CCM2: variants seen among roughly 807,000 people sequenced by gnomAD.
CCM2 encodes the protein CCM2 scaffold protein.
CCM2 carries 25 observed loss-of-function variants against 44.9 expected under a neutral mutation model. That is an observed-to-expected ratio of 0.56 (90% CI 0.41 to 0.78). The LOEUF (loss-of-function observed/expected upper bound fraction) is 0.78, where lower values mean the gene tolerates loss of function less well. CCM2 is among the 30% of genes least tolerant of loss of function. CCM2 has a pLI of 0.00. For synonymous variants in CCM2, 219 were observed against 241.1 expected, an observed-to-expected ratio of 0.91 and a Z score of 0.85; for missense variants, 481 against 580.6, an observed-to-expected ratio of 0.83 and a Z score of 1.76.
At chr7:45,065,985 C>A (rs543071171) in intron 4 of CCM2, among the ~76,000 whole-genome samples, 1 of 152,322 alleles carries the variant, frequency 6.6e-6, no homozygotes, top group East Asian at 1.9e-4. Context: ...GCAGGTGTTT[C>A]AAGCTGGTAG....
intron 4 of CCM2, among the ~76,000 whole-genome samples, chr7:45,066,700 C>T (rs1562910121): frequency 1.3e-5 from 2 of 152,058 alleles, no homozygotes; most frequent in Admixed American, 6.6e-5. Flanking sequence ...CAGGGTCACC[C>T]GTGCACCCGT....
At chr7:45,069,667 C>T (rs1798958124) in intron 5 of CCM2, among the ~76,000 whole-genome samples, 159 bp from the exon 6 acceptor site, 2 of 152,248 alleles carry the variant, frequency 1.3e-5, no homozygotes, top group Non-Finnish European at 1.5e-5. Context: ...TCTCTTTTGA[C>T]ACCCCTTTGG....
intron 1 of CCM2, among the ~76,000 whole-genome samples, chr7:45,017,440 G>T (rs1378386992): frequency 6.6e-6 from 1 of 152,204 alleles, no homozygotes; most frequent in African/African-American, 2.4e-5. Flanking sequence ...GGAACAGGAG[G>T]TCAGTTGGCA....
chr7:45,015,739 G>A (rs1796239597), intron 1 of CCM2, among the ~76,000 whole-genome samples: 2 of 152,178 alleles, frequency 1.3e-5, no homozygotes, highest in African/African-American at 2.4e-5. Flanking sequence ...TGGCCCTGAT[G>A]AAGGGGAAGG....
intron 2 of CCM2, among the ~76,000 whole-genome samples, chr7:45,058,075 C>T (rs543429194): frequency 2.6e-5 from 4 of 152,356 alleles, no homozygotes; most frequent in African/African-American, 4.8e-5. Context: ...ACCGTGTTTA[C>T]GTTGCTTGGA....
chr7:45,071,073 C>G (rs1188320145), intron 6 of CCM2: 1 of 152,230 alleles, frequency 6.6e-6, no homozygotes, highest in Non-Finnish European at 1.5e-5. Flanking sequence ...CTCAGGCATC[C>G]TCTCTATCTC....
chr7:45,069,268 T>C (rs900400648), intron 5 of CCM2, among the ~76,000 whole-genome samples: 2 of 152,262 alleles, frequency 1.3e-5, no homozygotes, highest in African/African-American at 4.8e-5. Flanking sequence ...TGTGGGAGGC[T>C]GCCCTGTGCA....
chr7:45,074,256 C>T lies in CCM2; in HGVS notation c.916-14C>T. The T allele has an allele frequency of 1.9e-6, 3 of 1,613,406 alleles. No individual in the cohort carries two copies. The highest frequency in any genetic ancestry group is 2.5e-6 in the Non-Finnish European group (3 of 1,180,028). On this transcript the variant is annotated splice_polypyrimidine_tract_variant and intron_variant, in intron 8 of 9. Transcript: ENST00000258781. The stretch of plus-strand genomic sequence containing the variant: ...ACTGTGCCCAGCCCCCTATCTGGCT[C>T]TGCTCTCTTGCAGCTGCGCACCAAG...
At position 45,054,848 on chromosome 7, in the gene CCM2, A is replaced by T. The variant is rs1306848385; in HGVS notation, c.205-9070A>T. Among the ~76,000 whole-genome samples the T allele has an allele frequency of 2.0e-5, 3 of 152,260 alleles. No individual in the cohort carries two copies. In the East Asian group the frequency reaches 5.8e-4, roughly 29 times the overall value. ...ACTGGGTGTTGGCCAGGGGACACCC[A>T]GGAGACAGGGTTCCCCAGGGCAGAT... On this transcript the variant is annotated intron_variant, in intron 2 of 9. Transcript: ENST00000258781.
At chr7:45,044,748 C>G (rs1254762415) in intron 2 of CCM2, among the ~76,000 whole-genome samples, 1 of 152,170 alleles carries the variant, frequency 6.6e-6, no homozygotes, top group Non-Finnish European at 1.5e-5. Flanking sequence ...TGGCAAATTA[C>G]TATGGAGAAT....
chr7:45,010,448 G>A (rs1401783082), intron 1 of CCM2, among the ~76,000 whole-genome samples: 4 of 152,104 alleles, frequency 2.6e-5, no homozygotes, highest in Non-Finnish European at 5.9e-5. Context: ...ATTGTGTTGT[G>A]CAGGGATCAC....
intron 1 of CCM2, among the ~76,000 whole-genome samples, chr7:45,026,533 T>TA (rs1796695934): frequency 1.3e-5 from 2 of 151,976 alleles, no homozygotes; most frequent in Admixed American, 6.6e-5. Context: ...ACCTAATATT[T>TA]AAAAAATTAT....
chr7:45,073,590 G>T lies in CCM2; in HGVS notation c.915+19G>T. 1.3e-6 allele frequency: 2 copies of T among 1,567,106 alleles called. No homozygotes were observed. ...GCTGACGGTAGGCCTCCGCTGCAGG[G>T]ACGCTGGGCTGCATGAGGGAGGGGG... On this transcript the variant is annotated intron_variant, in intron 8 of 9. Coordinates refer to ENST00000258781, the MANE Select transcript of CCM2 (RefSeq NM_031443.4).
intron 2 of CCM2, among the ~76,000 whole-genome samples, chr7:45,054,573 C>G (rs1220137969): frequency 6.6e-6 from 1 of 152,086 alleles, no homozygotes; most frequent in African/African-American, 2.4e-5. Flanking sequence ...ACCCCCTAGA[C>G]AAGGTGCTTG....
At chr7:45,066,854 AC>A (rs1268214563) in intron 4 of CCM2, among the ~76,000 whole-genome samples, 1 of 152,086 alleles carries the variant, frequency 6.6e-6, no homozygotes, top group Non-Finnish European at 1.5e-5. Context: ...GAGATTTCTT[AC>A]CAAACTCATA....
At chr7:45,024,243 C>A (rs1217695798) in intron 1 of CCM2, among the ~76,000 whole-genome samples, 1 of 152,222 alleles carries the variant, frequency 6.6e-6, no homozygotes, top group East Asian at 1.9e-4. Context: ...GACTCTTCAG[C>A]TGATAATAAC....
At chr7:45,041,098 A>G (rs1035504411) in intron 2 of CCM2, among the ~76,000 whole-genome samples, 100 of 152,344 alleles carry the variant, frequency 6.6e-4, no homozygotes, top group African/African-American at 2.1e-3. Context: ...GATGACAGGA[A>G]AGTGAAGTCC....
In CCM2 at chr7:45,069,924, G is replaced by C; in HGVS notation, c.708G>C (p.Gly236=). Residue 236 remains glycine, a synonymous_variant, in exon 6 of 10, where the codon GGG becomes GGC. Coordinates refer to ENST00000258781, the MANE Select transcript of CCM2 (RefSeq NM_031443.4). ...IDFLDRAIFD[G]ASTPTHHLSL... is the part of the protein sequence containing the mutation. ...TTCTGGACAGAGCGATATTTGATGG[G>C]GCCTCTACCCCGACCCACCACCTGT... The C allele has an allele frequency of 6.2e-7, 1 of 1,614,100 alleles. No individual in the cohort carries two copies. Among genetic ancestry groups the C allele is most frequent in the Non-Finnish European group, 8.5e-7 (1 of 1,180,036 alleles).
intron 2 of CCM2, among the ~76,000 whole-genome samples, chr7:45,048,153 G>A (rs1464306049): frequency 6.6e-6 from 1 of 152,252 alleles, no homozygotes; most frequent in African/African-American, 2.4e-5. Flanking sequence ...GAAGACTTCA[G>A]TGTGGCTGCC....
Sources: gnomAD v4.1 joint callset for allele counts (sites outside exome capture counted in the v4.1 genomes callset) on GRCh38, gnomAD v4.1.1 for gene constraint, MANE v1.5 for transcripts, NCBI Gene and HGNC (gene_info 2026-07-23, HGNC 2026-07-21) for gene names.